The following KLHDC10 variants were observed in gnomAD, a reference collection of about 807,000 sequenced individuals.
The protein encoded by KLHDC10 is kelch domain containing 10.
KLHDC10 carries 24 observed loss-of-function variants against 56.1 expected under a neutral mutation model. The ratio of observed to expected loss-of-function variants is 0.43; its 90% confidence interval spans 0.31 to 0.60. KLHDC10 has a LOEUF of 0.60. KLHDC10 is among the 20% of genes least tolerant of loss of function. KLHDC10 has a pLI of 0.11. For missense variants in KLHDC10, 349 were observed against 567.0 expected (o/e 0.62, Z 3.91); for synonymous variants, 188 against 207.1 (o/e 0.91, Z 0.79).
intron 3 of KLHDC10, among the ~76,000 whole-genome samples, chr7:130,118,648 A>G (rs988171665): frequency 2.6e-5 from 4 of 152,152 alleles, no homozygotes; most frequent in Non-Finnish European, 5.9e-5. Context: ...TGCCTTCCTC[A>G]CTAAGCTTAG....
intron 3 of KLHDC10, among the ~76,000 whole-genome samples, chr7:130,118,437 C>T (rs1428863192): frequency 6.6e-6 from 1 of 152,188 alleles, no homozygotes; most frequent in Non-Finnish European, 1.5e-5. Context: ...AGGCTTTGGC[C>T]TAAAGGGAAT....
chr7:130,099,814 T>C (rs55880106), intron 2 of KLHDC10, among the ~76,000 whole-genome samples: 72,806 of 151,946 alleles, frequency 0.48, 18,076 homozygotes, highest in African/African-American at 0.6. Context: ...TTATAGTTAT[T>C]AGTGTGCAAA....
chr7:130,116,477 C>G lies in KLHDC10; in HGVS notation c.286C>G (p.Arg96Gly). 3 of 1,614,014 alleles carry G rather than the reference C, an allele frequency of 1.9e-6. No individual in the cohort carries two copies. Among genetic ancestry groups the G allele is most frequent in the Non-Finnish European group, 2.5e-6 (3 of 1,179,966 alleles). Residue 96 changes from arginine to glycine, a missense_variant, in exon 3 of 10, where the codon CGT (arginine) becomes GGT (glycine). Coordinates refer to ENST00000335420, the MANE Select transcript of KLHDC10 (RefSeq NM_014997.4). This position sits in a 1 kb window ranked among gnomAD's most constrained non-coding sequence, Gnocchi z 4.8. ...HRPPPARSGH[R>G]CVADNTNLYV... ...ACCTCCACCAGCACGAAGTGGACATCGTTGTGTGGCAGATAATACCAACCT... is the reference window on the plus strand; with the variant it reads ...ACCTCCACCAGCACGAAGTGGACATGGTTGTGTGGCAGATAATACCAACCT...
At chr7:130,082,825 C>T (rs1285208305) in intron 1 of KLHDC10, among the ~76,000 whole-genome samples, 1 of 152,196 alleles carries the variant, frequency 6.6e-6, no homozygotes, top group Non-Finnish European at 1.5e-5. Flanking sequence ...TACCCAGCTT[C>T]TCTAGAATTT....
Position 130,135,555 on chromosome 7 carries a change from G to A in KLHDC10, c.*4809G>A, listed in dbSNP as rs1452374592. 2 of 154,326 alleles carry A rather than the reference G, an allele frequency of 1.3e-5. No homozygotes were observed. Among genetic ancestry groups the A allele is most frequent in the Non-Finnish European group, 2.9e-5 (2 of 68,210 alleles). 9.6% of individuals were successfully genotyped at this position (154,326 alleles called of 1,614,324 possible). A position where few individuals can be genotyped will look rare whatever the true frequency, so the allele number is the denominator to read the frequency against. ...TCTGGTGTGCATGCCATATGATCAG[G>A]ACAGCTTTTCCACTTTACTCGGTTT... On this transcript the variant is annotated 3_prime_UTR_variant, in exon 10 of 10. Transcript: ENST00000335420.
rs575527570 is a variant in KLHDC10 at position 130,135,372 on chromosome 7, T to C, written c.*4626T>C. On this transcript the variant is annotated 3_prime_UTR_variant, in exon 10 of 10. Transcript: ENST00000335420. ...CAATGACGAATTTCATGGAAGAACC[T>C]AGGCAAGAAAGGAAGCCTCTTTCTG... 1.1e-3 allele frequency: 163 copies of C among 154,492 alleles called. 1 individual carries two copies. The highest frequency in any genetic ancestry group is 4.9e-3 in the South Asian group (24 of 4,916). The allele number at this position is 154,492 out of a possible 1,614,324, so 9.6% of individuals were successfully genotyped here.
intron 2 of KLHDC10, among the ~76,000 whole-genome samples, chr7:130,114,082 C>T (rs905894002): frequency 6.6e-6 from 1 of 152,126 alleles, no homozygotes; most frequent in Non-Finnish European, 1.5e-5. Context: ...TCTTCCCTGT[C>T]GCTGTTTACT....
intron 1 of KLHDC10, among the ~76,000 whole-genome samples, chr7:130,078,288 C>T (rs1298360886): frequency 1.3e-5 from 2 of 151,614 alleles, no homozygotes; most frequent in Non-Finnish European, 2.9e-5. Flanking sequence ...GCAGGAGAAT[C>T]GCTTGAACCC....
At chr7:130,122,851 T>A (rs1005972010) in intron 5 of KLHDC10, among the ~76,000 whole-genome samples, 14 of 152,208 alleles carry the variant, frequency 9.2e-5, no homozygotes, top group Admixed American at 9.2e-4. Context: ...CTGAGCCTGA[T>A]TTCCCTTCTT....
intron 2 of KLHDC10, among the ~76,000 whole-genome samples, chr7:130,109,729 C>T (rs1038106952): frequency 1.3e-5 from 2 of 152,164 alleles, no homozygotes; most frequent in African/African-American, 2.4e-5. Context: ...ACTTCCACCT[C>T]TCAGTTTCAA....
intron 2 of KLHDC10, among the ~76,000 whole-genome samples, 200 bp downstream of exon 2, chr7:130,097,207 G>A (rs575888037): frequency 6.6e-6 from 1 of 152,252 alleles, no homozygotes; most frequent in Non-Finnish European, 1.5e-5. Context: ...GTTTCAGGGA[G>A]TCAGAATCAC....
At chr7:130,127,332 C>A in intron 7 of KLHDC10, 72 bp from the exon 8 acceptor site, 1 of 1,221,272 alleles carries the variant, frequency 8.2e-7, no homozygotes, top group Non-Finnish European at 1.2e-6. Context: ...GTGTGTCTTT[C>A]ACTGTGTTAT....
intron 1 of KLHDC10, among the ~76,000 whole-genome samples, chr7:130,081,309 A>AT (rs998402354): frequency 3.8e-5 from 5 of 129,950 alleles, no homozygotes; most frequent in South Asian, 2.4e-4. Context: ...TCTTTTATAT[A>AT]TTTTTTTTTG....
intron 4 of KLHDC10, 108 bp downstream of exon 4, chr7:130,121,011 C>G (rs879672069): frequency 4.0e-5 from 45 of 1,131,684 alleles, no homozygotes; most frequent in Non-Finnish European, 5.3e-5. Flanking sequence ...GAGAAGAGTT[C>G]TTTGTGGTTA....
At chr7:130,095,441 C>T (rs933947767) in intron 1 of KLHDC10, among the ~76,000 whole-genome samples, 1 of 152,104 alleles carries the variant, frequency 6.6e-6, no homozygotes, top group African/African-American at 2.4e-5. Context: ...TTGCCTTGTC[C>T]ATATTTTTCT....
intron 1 of KLHDC10, 84 bp downstream of exon 1, chr7:130,070,893 T>G: frequency 2.8e-6 from 3 of 1,064,572 alleles, no homozygotes; most frequent in South Asian, 4.1e-5. Flanking sequence ...TTGCTTTTCC[T>G]TGGGAGGAGG....
At chr7:130,107,551 ACTAG>A (rs1397106813) in intron 2 of KLHDC10, among the ~76,000 whole-genome samples, 1 of 152,074 alleles carries the variant, frequency 6.6e-6, no homozygotes, top group Non-Finnish European at 1.5e-5. Flanking sequence ...GAAATACAAA[ACTAG>A]CTGGGCGACC....
rs148540955 is a variant in KLHDC10 at position 130,112,673 on chromosome 7, A to T, written c.254-3772A>T. On this transcript the variant is annotated intron_variant, in intron 2 of 9. Transcript: ENST00000335420. ...TCCGTGGCATTAATCCAGACAGACA[A>T]TTCCCATGGTTTATCCAAAATGGAA... Among the ~76,000 whole-genome samples the T allele has an allele frequency of 4.7e-3, 713 of 152,298 alleles. 6 individuals are homozygous for T. Among genetic ancestry groups the T allele is most frequent in the Middle Eastern group, 0.024 (7 of 294 alleles).
At position 130,130,764 on chromosome 7, in the gene KLHDC10, A is replaced by G. The variant is rs772117468; in HGVS notation, c.*18A>G. Reference sequence around the variant, plus strand: ...TGAAATGAGGATTTCTGGACTGTTCATTGATACTGGAAATGTTAATTTAAA... The same window carrying G: ...TGAAATGAGGATTTCTGGACTGTTCGTTGATACTGGAAATGTTAATTTAAA... On this transcript the variant is annotated 3_prime_UTR_variant, in exon 10 of 10. Transcript: ENST00000335420. This position sits in a 1 kb window ranked among gnomAD's most constrained non-coding sequence, Gnocchi z 4.2. The G allele has an allele frequency of 1.2e-6, 2 of 1,603,510 alleles. No homozygotes were observed. Among genetic ancestry groups the G allele is most frequent in the South Asian group, 2.2e-5 (2 of 90,886 alleles).
Sources: allele counts gnomAD v4.1 joint callset (sites outside exome capture counted in the v4.1 genomes callset), GRCh38; gene constraint gnomAD v4.1.1; non-coding constraint Gnocchi (gnomAD v3.1); transcripts MANE v1.5; gene names NCBI Gene and HGNC (gene_info 2026-07-23, HGNC 2026-07-21).